EXOSC1: variants seen among roughly 807,000 people sequenced by gnomAD.
The protein encoded by EXOSC1 is exosome component 1, also known as exosome complex component CSL4.
In EXOSC1, 27 loss-of-function variants were observed where a neutral mutation model predicts 31.4. The ratio of observed to expected loss-of-function variants is 0.86; its 90% CI spans 0.63 to 1.18. EXOSC1 has a LOEUF of 1.18. Among genes scored for constraint, EXOSC1 ranks in the 50% most tolerant of loss-of-function variants. EXOSC1 has a pLI of 0.00. For missense variants in EXOSC1, 228 were observed against 250.3 expected, an observed-to-expected ratio of 0.91 and a Z score of 0.60; for synonymous variants, 84 against 89.5, an observed-to-expected ratio of 0.94 and a Z score of 0.35.
intron 7 of EXOSC1, among the ~76,000 whole-genome samples, 197 bp downstream of exon 7, chr10:97,436,994 C>T (rs540383095): frequency 1.3e-5 from 2 of 152,236 alleles, no homozygotes; most frequent in Non-Finnish European, 2.9e-5. Flanking sequence ...CCAGCCTCCT[C>T]GACAAAGTGA....
chr10:97,437,576 G>T (rs1190047006), intron 6 of EXOSC1, 124 bp downstream of exon 6: 3 of 845,098 alleles, frequency 3.5e-6, no homozygotes, highest in African/African-American at 3.4e-5. Context: ...TCGAACTCCT[G>T]ACCTCAGGTG....
intron 2 of EXOSC1, 81 bp from the exon 3 acceptor site, chr10:97,443,392 A>G: frequency 8.3e-7 from 1 of 1,210,390 alleles, no homozygotes; most frequent in South Asian, 1.3e-5. Flanking sequence ...GTAATATAGG[A>G]ATGTCTTGGT....
chr10:97,443,025 T>C (rs1845765712), intron 3 of EXOSC1, among the ~76,000 whole-genome samples: 1 of 152,084 alleles, frequency 6.6e-6, no homozygotes, highest in Non-Finnish European at 1.5e-5. Context: ...GAGGTTTCAC[T>C]ATGTTTCCCA....
At chr10:97,442,200 C>G (rs1039724527) in intron 3 of EXOSC1, among the ~76,000 whole-genome samples, 10 of 150,718 alleles carry the variant, frequency 6.6e-5, no homozygotes, top group Non-Finnish European at 1.2e-4. Context: ...ACAGGAATGG[C>G]AAAAAATAAA....
At chr10:97,437,124 A>T (rs528146661) in intron 7 of EXOSC1, 67 bp downstream of exon 7, 1 of 1,389,724 alleles carries the variant, frequency 7.2e-7, no homozygotes, top group Non-Finnish European at 1.0e-6. Context: ...AAACCAGGAA[A>T]AACAATGGAT....
At chr10:97,439,013 A>C (rs2133146318) in intron 4 of EXOSC1, among the ~76,000 whole-genome samples, 1 of 152,236 alleles carries the variant, frequency 6.6e-6, no homozygotes, top group Middle Eastern at 3.4e-3. Context: ...CAGCTTCCCA[A>C]AGTGCTGGGA....
At chr10:97,442,060 C>T (rs1845736572) in intron 3 of EXOSC1, among the ~76,000 whole-genome samples, 1 of 151,344 alleles carries the variant, frequency 6.6e-6, no homozygotes, top group Admixed American at 6.6e-5. Flanking sequence ...GCCTATAATC[C>T]CAGCTACTCG....
At position 97,438,525 on chromosome 10, in the gene EXOSC1, G is replaced by C. The variant is rs1845616611; in HGVS notation, c.345+145C>G. On this transcript the variant is annotated intron_variant, in intron 5 of 7. Transcript: ENST00000370902. The stretch of plus-strand genomic sequence containing the variant: ...TCGCTATGTTGCCAGGGCTGGTCTT[G>C]AAGTCCTGGACTCAAGTGATCCTCC... 9.7e-6 allele frequency: 7 copies of C among 720,964 alleles called. No homozygotes were observed. The Admixed American group carries it at 1.7e-4, about 17-fold the overall frequency. The allele number at this position is 720,964 out of a possible 1,614,324, so 44.7% of individuals were successfully genotyped here.
intron 2 of EXOSC1, 177 bp downstream of exon 2, chr10:97,445,555 A>C (rs1284723469): frequency 3.2e-6 from 2 of 626,618 alleles, no homozygotes; most frequent in African/African-American, 3.7e-5. Flanking sequence ...AGATCAACAC[A>C]ACTAGTGTGT....
intron 4 of EXOSC1, among the ~76,000 whole-genome samples, chr10:97,439,190 T>C (rs1845639359): frequency 6.6e-6 from 1 of 152,194 alleles, no homozygotes; most frequent in Non-Finnish European, 1.5e-5. Flanking sequence ...AGAGGCAGTA[T>C]CAATACCTCT....
chr10:97,441,485 G>GT (rs1564788825), intron 3 of EXOSC1, among the ~76,000 whole-genome samples: 15 of 150,300 alleles, frequency 1.0e-4, no homozygotes, highest in Non-Finnish European at 1.6e-4. Context: ...AGGTGGTATG[G>GT]GTTTTTTTTT....
At chr10:97,439,278 T>C (rs1845642142) in intron 4 of EXOSC1, among the ~76,000 whole-genome samples, 1 of 152,138 alleles carries the variant, frequency 6.6e-6, no homozygotes, top group Non-Finnish European at 1.5e-5. Context: ...AGAAGCACTA[T>C]AGCAAGGGCC....
Position 97,443,796 on chromosome 10 carries a change from TTTTG to T in EXOSC1, c.148-489_148-486del, listed in dbSNP as rs1317721650. On this transcript the variant is annotated intron_variant, in intron 2 of 7. Transcript: ENST00000370902. ...CTATAATCATTGACAATTTTACTTTTTTTGTTTTTTTTTGAAATGGAGTTTCACT... is the reference window on the plus strand; with the variant it reads ...CTATAATCATTGACAATTTTACTTTTTTTTTTTTTGAAATGGAGTTTCACT... The T allele has an allele frequency of 2.6e-5, 4 of 153,054 alleles. No homozygotes were observed. In the East Asian group the frequency reaches 7.7e-4, roughly 29 times the overall value. 9.5% of individuals were successfully genotyped at this position (153,054 alleles called of 1,614,324 possible). A position where few individuals can be genotyped will look rare whatever the true frequency, so the allele number is the denominator to read the frequency against.
chr10:97,439,809 A>G (rs539371554), intron 4 of EXOSC1, among the ~76,000 whole-genome samples: 2 of 152,248 alleles, frequency 1.3e-5, no homozygotes, highest in South Asian at 4.1e-4. Flanking sequence ...TGAGGCTGGA[A>G]AGGGCCTCAA....
At chr10:97,442,834 C>T (rs1273756479) in intron 3 of EXOSC1, among the ~76,000 whole-genome samples, 2 of 152,186 alleles carry the variant, frequency 1.3e-5, no homozygotes, top group Non-Finnish European at 2.9e-5. Context: ...GCATGCACCA[C>T]CACGCTAAGC....
chr10:97,436,681 T>C (rs1334466862), intron 7 of EXOSC1, 130 bp from the exon 8 acceptor site: 4 of 747,018 alleles, frequency 5.4e-6, no homozygotes, highest in Non-Finnish European at 6.2e-6. Context: ...GAAAAAACTT[T>C]GTTCATTCTA....
At chr10:97,442,816 G>A (rs1161890133) in intron 3 of EXOSC1, among the ~76,000 whole-genome samples, 1 of 152,192 alleles carries the variant, frequency 6.6e-6, no homozygotes, top group African/African-American at 2.4e-5. Context: ...GAGTAGCTGG[G>A]ATTACAGGCA....
At chr10:97,440,056 T>C (rs936681046) in intron 4 of EXOSC1, among the ~76,000 whole-genome samples, 23 of 149,756 alleles carry the variant, frequency 1.5e-4, no homozygotes, top group African/African-American at 5.7e-4. Flanking sequence ...CACCGCAAGC[T>C]CCGCCTCCCA....
At chr10:97,443,461 AT>A in intron 2 of EXOSC1, 150 bp from the exon 3 acceptor site, 1 of 656,134 alleles carries the variant, frequency 1.5e-6, no homozygotes, top group East Asian at 2.7e-5. Flanking sequence ...GGCCTTAGAA[AT>A]TTTAGGAAAT....
Sources: gnomAD v4.1 joint callset for allele counts (sites outside exome capture counted in the v4.1 genomes callset) on GRCh38, gnomAD v4.1.1 for gene constraint, MANE v1.5 for transcripts, NCBI Gene and HGNC (gene_info 2026-07-23, HGNC 2026-07-21) for gene names.